SCAPER: variants seen among roughly 807,000 people sequenced by gnomAD.
SCAPER encodes the protein S phase cyclin A-associated protein in the endoplasmic reticulum.
In SCAPER, 98 loss-of-function variants were observed where a neutral mutation model predicts 182.2. The ratio of observed to expected loss-of-function variants is 0.54; its 90% CI spans 0.46 to 0.64. The LOEUF (loss-of-function observed/expected upper bound fraction) is 0.64, where lower values mean the gene tolerates loss of function less well. Ranked by LOEUF, SCAPER falls within the 30% of genes least tolerant of loss-of-function variation. SCAPER has a pLI of 0.00. For synonymous variants in SCAPER, 605 were observed against 564.6 expected, an observed-to-expected ratio of 1.07 and a Z score of -1.01; for missense variants, 1,432 against 1,690.0, an observed-to-expected ratio of 0.85 and a Z score of 2.68.
chr15:76,637,801 T>G (rs2053766450), intron 21 of SCAPER, among the ~76,000 whole-genome samples: 1 of 137,206 alleles, frequency 7.3e-6, no homozygotes, highest in Non-Finnish European at 1.6e-5. Flanking sequence ...TGTGTGTGTA[T>G]GTATATATAT....
intron 17 of SCAPER, among the ~76,000 whole-genome samples, chr15:76,720,790 A>G (rs1240909910): frequency 6.6e-6 from 1 of 151,692 alleles, no homozygotes; most frequent in Non-Finnish European, 1.5e-5. Flanking sequence ...TTTTCCTGTA[A>G]ATTTGTTTGA....
chr15:76,785,875 G>T (rs1037846582), intron 8 of SCAPER, among the ~76,000 whole-genome samples: 1 of 152,106 alleles, frequency 6.6e-6, no homozygotes, highest in Non-Finnish European at 1.5e-5. Flanking sequence ...GGGGCCTGTC[G>T]TGGGGTGAGG....
chr15:76,564,648 G>A (rs183061586), intron 23 of SCAPER, among the ~76,000 whole-genome samples: 445 of 151,968 alleles, frequency 2.9e-3, no homozygotes, highest in Admixed American at 4.6e-3. Flanking sequence ...ATTCTTCACA[G>A]AACTAAAAAA....
intron 26 of SCAPER, among the ~76,000 whole-genome samples, chr15:76,406,781 T>G (rs1453870528): frequency 6.6e-6 from 1 of 152,256 alleles, no homozygotes; most frequent in South Asian, 2.1e-4. Flanking sequence ...CTATTTCATA[T>G]GGTCCTGGGG....
chr15:76,841,529 C>A (rs2069478415), intron 5 of SCAPER, among the ~76,000 whole-genome samples: 1 of 152,062 alleles, frequency 6.6e-6, no homozygotes, highest in Admixed American at 6.5e-5. Context: ...TGCCTGTAAT[C>A]CCAGCTACTC....
chr15:76,537,025 T>C (rs543257512), intron 23 of SCAPER, among the ~76,000 whole-genome samples: 6 of 152,104 alleles, frequency 3.9e-5, no homozygotes, highest in Admixed American at 2.0e-4. Flanking sequence ...GTGAAGGACC[T>C]CTTCAAGGAG....
Position 76,390,742 on chromosome 15 carries a change from A to T in SCAPER, c.3468-9127T>A, listed in dbSNP as rs893260051. ...TGACACACTGGTTTGGCTAGTTGAT[A>T]CTTTGGGGCTCTCTTTACAGTTTGG... On this transcript the variant is annotated intron_variant, in intron 27 of 31. Transcript: ENST00000563290. Among the ~76,000 whole-genome samples the T allele has an allele frequency of 2.6e-5, 4 of 152,156 alleles. 1 individual carries two copies. Among genetic ancestry groups the T allele is most frequent in the Non-Finnish European group, 5.9e-5 (4 of 68,032 alleles).
intron 17 of SCAPER, 79 bp from the exon 18 acceptor site, chr15:76,706,063 C>T: frequency 2.7e-6 from 3 of 1,103,688 alleles, no homozygotes; most frequent in East Asian, 5.3e-5. Flanking sequence ...ACAATTAGGA[C>T]ACATAGGGTC....
At position 76,883,800 on chromosome 15, in the gene SCAPER, G is replaced by C. The variant is rs1183222967; in HGVS notation, c.6+12C>G. ...CAAAAAAACTAAGGCTAGTCTTTAA[G>C]ATATCACTTACCATCATTCTTTAAA... On this transcript the variant is annotated intron_variant, in intron 2 of 31. Transcript: ENST00000563290. 7.2e-6 allele frequency: 11 copies of C among 1,525,022 alleles called. No individual in the cohort carries two copies. Among genetic ancestry groups the C allele is most frequent in the Non-Finnish European group, 8.8e-6 (10 of 1,131,390 alleles). The allele number at this position is 1,525,022 out of a possible 1,614,324, so 94.5% of individuals were successfully genotyped here.
intron 14 of SCAPER, among the ~76,000 whole-genome samples, chr15:76,757,105 T>TA (rs2062484020): frequency 6.6e-6 from 1 of 152,250 alleles, no homozygotes; most frequent in Non-Finnish European, 1.5e-5. Flanking sequence ...ATTACATTCA[T>TA]AGACTTTCTA....
At chr15:76,834,473 A>C (rs1253996214) in intron 5 of SCAPER, among the ~76,000 whole-genome samples, 2 of 152,172 alleles carry the variant, frequency 1.3e-5, no homozygotes, top group Non-Finnish European at 2.9e-5. Flanking sequence ...ACCAACCCCA[A>C]AACTAGCAAA....
intron 8 of SCAPER, among the ~76,000 whole-genome samples, chr15:76,787,416 ACT>A: frequency 6.6e-6 from 1 of 152,110 alleles, no homozygotes; most frequent in African/African-American, 2.4e-5. Context: ...ACAAGGTCTC[ACT>A]CTCTCCCCAA....
In SCAPER at chr15:76,841,951, C is replaced by T; in HGVS notation, c.196-20G>A. On this transcript the variant is annotated intron_variant, in intron 4 of 31. Coordinates refer to ENST00000563290, the MANE Select transcript of SCAPER (RefSeq NM_020843.4). The stretch of plus-strand genomic sequence containing the variant: ...AGTACTCTGGTGAAGTAAAATAAAA[C>T]ATGAAAATAAATAAATAAAAGGGCT... The T allele has an allele frequency of 2.5e-6, 4 of 1,580,260 alleles. No individual in the cohort carries two copies. Among genetic ancestry groups the T allele is most frequent in the Non-Finnish European group, 3.4e-6 (4 of 1,164,962 alleles).
chr15:76,441,325 G>C (rs1340973906), intron 25 of SCAPER, among the ~76,000 whole-genome samples: 1 of 152,034 alleles, frequency 6.6e-6, no homozygotes. Context: ...TTATGCCTTT[G>C]AGCCTATATT....
At chr15:76,649,146 C>T (rs138940626) in intron 21 of SCAPER, among the ~76,000 whole-genome samples, 1 of 152,276 alleles carries the variant, frequency 6.6e-6, no homozygotes, top group Admixed American at 6.5e-5. Flanking sequence ...GTCTATTAAA[C>T]CTCTGTACTT....
chr15:76,787,701 A>C (rs1324879939), intron 8 of SCAPER, among the ~76,000 whole-genome samples: 1 of 152,198 alleles, frequency 6.6e-6, no homozygotes, highest in Non-Finnish European at 1.5e-5. Context: ...CGCACACTTT[A>C]TACAAAAATT....
chr15:76,455,040 GTAGT>G (rs923547399), intron 25 of SCAPER, among the ~76,000 whole-genome samples: 3 of 152,042 alleles, frequency 2.0e-5, no homozygotes, highest in African/African-American at 7.2e-5. Flanking sequence ...TCCTCAACCT[GTAGT>G]TAAATTTCCC....
intron 21 of SCAPER, among the ~76,000 whole-genome samples, chr15:76,651,735 T>G (rs1335465175): frequency 6.7e-6 from 1 of 149,380 alleles, no homozygotes; most frequent in Admixed American, 6.7e-5. Flanking sequence ...CCCAAAAAGC[T>G]GGAGATGAGA....
chr15:76,435,897 A>C (rs1408271627), intron 25 of SCAPER, among the ~76,000 whole-genome samples: 1 of 152,162 alleles, frequency 6.6e-6, no homozygotes, highest in African/African-American at 2.4e-5. Flanking sequence ...GAAACTTAGA[A>C]TCTTCTTATG....
Sources: gnomAD v4.1 joint callset for allele counts (sites outside exome capture counted in the v4.1 genomes callset) on GRCh38, gnomAD v4.1.1 for gene constraint, MANE v1.5 for transcripts, NCBI Gene and HGNC (gene_info 2026-07-23, HGNC 2026-07-21) for gene names.